ADAM10: variants seen among roughly 807,000 people sequenced by gnomAD.
ADAM10 encodes the protein ADAM metallopeptidase domain 10.
In ADAM10, 17 loss-of-function variants were observed where a neutral mutation model predicts 90.1. That is an observed-to-expected ratio of 0.19 (90% CI 0.13 to 0.28). ADAM10 has a LOEUF of 0.28. Ranked by LOEUF, ADAM10 falls within the 10% of genes least tolerant of loss-of-function variation. The pLI is 1.00. For missense variants in ADAM10, 610 were observed against 914.3 expected (o/e 0.67, Z 4.29); for synonymous variants, 310 against 298.6 (o/e 1.04, Z -0.40).
At chr15:58,730,008 A>AAAAAAAAC (rs1567016190) in intron 1 of ADAM10, among the ~76,000 whole-genome samples, 17 of 141,612 alleles carry the variant, frequency 1.2e-4, no homozygotes, top group African/African-American at 4.1e-4. Flanking sequence ...ACAAACAAAA[A>AAAAAAAAC]AAAAAACTCA....
chr15:58,653,833 C>G (rs1238388870), intron 5 of ADAM10, among the ~76,000 whole-genome samples: 3 of 152,138 alleles, frequency 2.0e-5, no homozygotes, highest in Admixed American at 6.5e-5. Flanking sequence ...AGTGAAGCCA[C>G]TGGGTCCCAG....
chr15:58,686,704 C>G (rs1897613579), intron 2 of ADAM10: 5 of 655,750 alleles, frequency 7.6e-6, no homozygotes, highest in East Asian at 5.4e-5. Flanking sequence ...AACACTTTTC[C>G]CTAACTTTTA....
At chr15:58,614,913 A>G (rs906781560) in intron 11 of ADAM10, among the ~76,000 whole-genome samples, 2 of 152,230 alleles carry the variant, frequency 1.3e-5, no homozygotes, top group African/African-American at 4.8e-5. Flanking sequence ...ACCACTACAG[A>G]AAACTACCAA....
chr15:58,681,168 C>T (rs534978492), intron 3 of ADAM10, among the ~76,000 whole-genome samples: 2 of 152,208 alleles, frequency 1.3e-5, no homozygotes, highest in South Asian at 2.1e-4. Context: ...TTTTCTTGAT[C>T]TCATCACCTA....
intron 1 of ADAM10, among the ~76,000 whole-genome samples, 163 bp from the exon 2 acceptor site, chr15:58,717,890 T>C (rs1898717971): frequency 6.6e-6 from 1 of 152,216 alleles, no homozygotes; most frequent in Admixed American, 6.5e-5. Context: ...TTATTAAAAC[T>C]TATTGTGAGG....
intron 8 of ADAM10, among the ~76,000 whole-genome samples, chr15:58,640,253 T>A (rs1896379970): frequency 6.6e-6 from 1 of 152,156 alleles, no homozygotes; most frequent in Admixed American, 6.5e-5. Flanking sequence ...TGCCTACATC[T>A]CTTTCATGCA....
chr15:58,735,175 CTCTCCTTGTTATAGA>C (rs1391794810), intron 1 of ADAM10, among the ~76,000 whole-genome samples: 1 of 152,194 alleles, frequency 6.6e-6, no homozygotes, highest in Non-Finnish European at 1.5e-5. Flanking sequence ...ATCTGGGAAT[CTCTCCTTGTTATAGA>C]TCTTCCTGAT....
chr15:58,597,562 T>A lies in ADAM10; in HGVS notation c.2232A>T (p.Gly744=), dbSNP rs370762789. The A allele has an allele frequency of 6.2e-7, 1 of 1,614,116 alleles. No homozygotes were observed. Among genetic ancestry groups the A allele is most frequent in the Non-Finnish European group, 8.5e-7 (1 of 1,180,016 alleles). ...RQRPRESYQM[G]HMRR is the part of the protein sequence containing the mutation. ...AAAGCTGCAGTTAGCGTCTCATGTG[T>A]CCCATTTGATAACTCTCTCGGGGCC... Residue 744 remains glycine, a synonymous_variant, in exon 16 of 16, where the codon GGA becomes GGT. Transcript: ENST00000260408.
chr15:58,726,900 G>T (rs1189276449), intron 1 of ADAM10, among the ~76,000 whole-genome samples: 1 of 150,980 alleles, frequency 6.6e-6, no homozygotes, highest in Non-Finnish European at 1.5e-5. Context: ...AGGAGGGGAG[G>T]GGAGGGGAGG....
intron 1 of ADAM10, 150 bp from the exon 2 acceptor site, chr15:58,717,877 A>G (rs1898717744): frequency 8.2e-7 from 1 of 1,225,846 alleles, no homozygotes; most frequent in Non-Finnish European, 1.1e-6. Flanking sequence ...ATTAACACAT[A>G]TATTATTAAA....
intron 13 of ADAM10, 119 bp downstream of exon 13, chr15:58,610,880 G>A: frequency 1.3e-6 from 1 of 783,430 alleles, no homozygotes; most frequent in Non-Finnish European, 2.3e-6. Flanking sequence ...CTCCTCAAGA[G>A]GACAGATTTA....
chr15:58,651,740 T>C (rs184347844), intron 5 of ADAM10, among the ~76,000 whole-genome samples: 3 of 152,210 alleles, frequency 2.0e-5, no homozygotes, highest in Non-Finnish European at 4.4e-5. Flanking sequence ...GCTATCTCTA[T>C]GATGTATCTC....
chr15:58,631,342 G>A (rs1378175343), intron 9 of ADAM10, among the ~76,000 whole-genome samples: 2 of 152,186 alleles, frequency 1.3e-5, no homozygotes, highest in African/African-American at 4.8e-5. Context: ...AATGGGGTAC[G>A]ATTGAGCGTG....
chr15:58,745,271 T>C (rs1045195745), intron 1 of ADAM10, among the ~76,000 whole-genome samples: 6 of 152,352 alleles, frequency 3.9e-5, no homozygotes, highest in Middle Eastern at 3.4e-3. Flanking sequence ...TAGGAAAATG[T>C]AGCTAATTGC....
Position 58,682,321 on chromosome 15 carries a change from AATGGG to A in ADAM10, c.207-12_207-8del. ...CATTCGTAGGTTGAAATGTCTGTAA[AATGGG>A]ATGGGAAGGGGGAACAACTGAAATT... On this transcript the variant is annotated splice_region_variant and splice_polypyrimidine_tract_variant and intron_variant, in intron 2 of 15. Coordinates refer to ENST00000260408, the MANE Select transcript of ADAM10 (RefSeq NM_001110.4). The A allele has an allele frequency of 6.2e-7, 1 of 1,610,714 alleles. No homozygotes were observed. Among genetic ancestry groups the A allele is most frequent in the African/African-American group, 1.3e-5 (1 of 74,940 alleles).
chr15:58,646,817 T>G (rs1328405564), intron 5 of ADAM10, among the ~76,000 whole-genome samples: 6 of 152,234 alleles, frequency 3.9e-5, no homozygotes, highest in Non-Finnish European at 8.8e-5. Flanking sequence ...AATATCAACA[T>G]TACACAGCCT....
At chr15:58,727,317 A>C (rs1162405560) in intron 1 of ADAM10, among the ~76,000 whole-genome samples, 2 of 150,068 alleles carry the variant, frequency 1.3e-5, no homozygotes, top group Admixed American at 1.3e-4. Context: ...AAGCCTCCCC[A>C]GTAGCTGGGA....
chr15:58,704,387 C>T (rs1189813825), intron 2 of ADAM10, among the ~76,000 whole-genome samples: 5 of 152,138 alleles, frequency 3.3e-5, no homozygotes, highest in East Asian at 1.9e-4. Flanking sequence ...GGTTGCACAA[C>T]GTTGTGCATG....
intron 10 of ADAM10, among the ~76,000 whole-genome samples, chr15:58,622,166 T>C (rs543421487): frequency 6.6e-6 from 1 of 152,310 alleles, no homozygotes; most frequent in African/African-American, 2.4e-5. Flanking sequence ...CCACCTAACA[T>C]ATTATTGTCC....
Sources: allele counts gnomAD v4.1 joint callset (sites outside exome capture counted in the v4.1 genomes callset), GRCh38; gene constraint gnomAD v4.1.1; transcripts MANE v1.5; gene names NCBI Gene and HGNC (gene_info 2026-07-23, HGNC 2026-07-21).